The following B3GALT1 variants were observed in gnomAD, a reference collection of about 807,000 sequenced individuals.
The protein encoded by B3GALT1 is UDP-Gal:betaGlcNAc beta 1,3-galactosyltransferase, polypeptide 1.
B3GALT1 carries 10 observed loss-of-function variants against 23.2 expected under a neutral mutation model. The observed-to-expected ratio is 0.43, with a 90% CI of 0.27 to 0.73. B3GALT1 has a LOEUF of 0.73. Ranked by LOEUF, B3GALT1 falls within the 30% of genes least tolerant of loss-of-function variation. The probability of loss-of-function intolerance (pLI) is 0.21; values close to 1 mark genes in which losing one functional copy is unlikely to be tolerated. For missense variants in B3GALT1, 299 were observed against 405.4 expected, an observed-to-expected ratio of 0.74 and a Z score of 2.25; for synonymous variants, 156 against 141.5, an observed-to-expected ratio of 1.10 and a Z score of -0.73.
At chr2:167,799,147 C>T (rs896438966) in intron 3 of B3GALT1, among the ~76,000 whole-genome samples, 2 of 152,112 alleles carry the variant, frequency 1.3e-5, no homozygotes, top group African/African-American at 4.8e-5. Context: ...GATGCAGCCC[C>T]TTGGTTTTGA....
chr2:167,533,069 C>T (rs1574122998), intron 2 of B3GALT1, among the ~76,000 whole-genome samples: 1 of 151,052 alleles, frequency 6.6e-6, no homozygotes, highest in East Asian at 1.9e-4. Context: ...CTATGTTGGT[C>T]AGGCTGGTCT....
chr2:167,635,541 C>A (rs867148484), intron 2 of B3GALT1, among the ~76,000 whole-genome samples: 1 of 151,998 alleles, frequency 6.6e-6, no homozygotes, highest in South Asian at 2.1e-4. Flanking sequence ...ACAAGCATTC[C>A]TATACGCCAA....
chr2:167,869,634 C>T lies in B3GALT1; in HGVS notation c.595C>T (p.Arg199Ter), dbSNP rs1243246622. The T allele has an allele frequency of 3.1e-6, 5 of 1,614,130 alleles. No individual in the cohort carries two copies. Among genetic ancestry groups the T allele is most frequent in the East Asian group, 2.2e-5 (1 of 44,878 alleles). ...YKLLKPSTKP[R>*]RRYFTGYVIN... ...ATTACTGAAACCCTCCACCAAGCCA[C>T]GAAGAAGGTATTTTACTGGCTATGT... Residue 199 changes from arginine to a stop codon, truncating the protein, a stop_gained, in exon 5 of 5, where the codon CGA becomes TGA. Coordinates refer to ENST00000392690, the MANE Select transcript of B3GALT1 (RefSeq NM_020981.4). LOFTEE classifies it high-confidence loss of function. The surrounding 1 kb of genome is among the most constrained non-coding windows in gnomAD (Gnocchi z 6.4).
chr2:167,801,583 G>C (rs1270383887), intron 3 of B3GALT1, among the ~76,000 whole-genome samples: 1 of 152,132 alleles, frequency 6.6e-6, no homozygotes, highest in Non-Finnish European at 1.5e-5. Flanking sequence ...ATGCAATCTA[G>C]GTAAGAGTGT....
chr2:167,411,037 C>A (rs1698383533), intron 1 of B3GALT1, among the ~76,000 whole-genome samples: 1 of 150,804 alleles, frequency 6.6e-6, no homozygotes, highest in Non-Finnish European at 1.5e-5. Context: ...AAGTTTGAAT[C>A]AAAAAATGTA....
intron 1 of B3GALT1, among the ~76,000 whole-genome samples, chr2:167,339,257 A>G (rs1195850274): frequency 1.3e-5 from 2 of 152,202 alleles, no homozygotes; most frequent in African/African-American, 2.4e-5. Flanking sequence ...CACAATTTAA[A>G]TTTCAAAATA....
chr2:167,428,479 A>G (rs1479463725), intron 1 of B3GALT1, among the ~76,000 whole-genome samples: 9 of 152,180 alleles, frequency 5.9e-5, no homozygotes, highest in African/African-American at 1.9e-4. Context: ...GTTTGAGATC[A>G]GCCTGGCCAA....
chr2:167,700,223 GAC>G (rs1686857688), intron 3 of B3GALT1, among the ~76,000 whole-genome samples: 1 of 152,124 alleles, frequency 6.6e-6, no homozygotes, highest in African/African-American at 2.4e-5. Flanking sequence ...GAACCTGGGT[GAC>G]AGAGTAAGAC....
intron 3 of B3GALT1, among the ~76,000 whole-genome samples, chr2:167,762,885 G>A (rs867158596): frequency 3.3e-5 from 5 of 152,284 alleles, no homozygotes; most frequent in African/African-American, 1.2e-4. Flanking sequence ...TGTAAAAACT[G>A]ATCTTTTGCC....
At chr2:167,565,645 T>C (rs570877091) in intron 2 of B3GALT1, among the ~76,000 whole-genome samples, 2 of 151,942 alleles carry the variant, frequency 1.3e-5, no homozygotes, top group Non-Finnish European at 2.9e-5. Context: ...TACAATGAAC[T>C]CAAACAAATT....
At chr2:167,533,789 T>C (rs1683370552) in intron 2 of B3GALT1, among the ~76,000 whole-genome samples, 1 of 152,220 alleles carries the variant, frequency 6.6e-6, no homozygotes, top group South Asian at 2.1e-4. Flanking sequence ...TTTGCAACCA[T>C]GTTTCTTCCT....
At chr2:167,612,201 T>C (rs960913097) in intron 2 of B3GALT1, among the ~76,000 whole-genome samples, 1 of 151,922 alleles carries the variant, frequency 6.6e-6, no homozygotes, top group Non-Finnish European at 1.5e-5. Context: ...TTGAATGATC[T>C]AGTTTGTAGC....
At chr2:167,616,376 C>T (rs373904927) in intron 2 of B3GALT1, among the ~76,000 whole-genome samples, 3 of 151,872 alleles carry the variant, frequency 2.0e-5, no homozygotes, top group East Asian at 3.9e-4. Flanking sequence ...TGTATGCGTG[C>T]GTGCACATCT....
intron 3 of B3GALT1, among the ~76,000 whole-genome samples, chr2:167,804,896 C>T (rs896332154): frequency 1.6e-4 from 25 of 152,256 alleles, no homozygotes; most frequent in African/African-American, 5.5e-4. Context: ...CCTGAGGAAT[C>T]GCCACACTGA....
chr2:167,572,093 T>G (rs1181678562), intron 2 of B3GALT1, among the ~76,000 whole-genome samples: 1 of 151,512 alleles, frequency 6.6e-6, no homozygotes, highest in Non-Finnish European at 1.5e-5. Context: ...TTATTAGAAG[T>G]CAATAATAAG....
At chr2:167,499,671 A>G (rs1166303719) in intron 2 of B3GALT1, among the ~76,000 whole-genome samples, 2 of 152,094 alleles carry the variant, frequency 1.3e-5, no homozygotes, top group Non-Finnish European at 2.9e-5. Flanking sequence ...ATATGCATGG[A>G]TTTTTCCCCC....
At chr2:167,704,454 T>C (rs1407284948) in intron 3 of B3GALT1, among the ~76,000 whole-genome samples, 1 of 152,090 alleles carries the variant, frequency 6.6e-6, no homozygotes, top group Admixed American at 6.6e-5. Context: ...TCTAAGCAGA[T>C]ATACACATAT....
intron 1 of B3GALT1, among the ~76,000 whole-genome samples, chr2:167,465,401 C>T (rs908720475): frequency 7.9e-5 from 12 of 152,084 alleles, no homozygotes; most frequent in Non-Finnish European, 1.5e-4. Flanking sequence ...TTTTTCCTCA[C>T]GGTTCTGGAG....
chr2:167,336,303 G>T (rs1023032469), intron 1 of B3GALT1, among the ~76,000 whole-genome samples: 1 of 152,136 alleles, frequency 6.6e-6, no homozygotes, highest in Admixed American at 6.5e-5. Context: ...ATTGGTGTGG[G>T]CATTGGTGTT....
Sources: allele counts gnomAD v4.1 joint callset (sites outside exome capture counted in the v4.1 genomes callset), GRCh38; gene constraint gnomAD v4.1.1; non-coding constraint Gnocchi (gnomAD v3.1); transcripts MANE v1.5; gene names NCBI Gene and HGNC (gene_info 2026-07-23, HGNC 2026-07-21).